The following CNTN3 variants were observed in gnomAD, a reference collection of about 807,000 sequenced individuals.
The protein encoded by CNTN3 is contactin-3.
In CNTN3, 60 loss-of-function variants were observed where a neutral mutation model predicts 119.1. That is an observed-to-expected ratio of 0.50 (90% CI 0.41 to 0.62). CNTN3 has a LOEUF of 0.62. Among genes scored for constraint, CNTN3 ranks in the 20% least tolerant of loss-of-function variants. The pLI is 0.00. For synonymous variants in CNTN3, 450 were observed against 438.7 expected (o/e 1.03, Z -0.32); for missense variants, 1,101 against 1,242.4 (o/e 0.89, Z 1.71).
At chr3:74,466,850 A>G (rs1242257279) in intron 4 of CNTN3, among the ~76,000 whole-genome samples, 1 of 152,166 alleles carries the variant, frequency 6.6e-6, no homozygotes, top group Admixed American at 6.6e-5. Flanking sequence ...GTCATTATGT[A>G]TTAGTATTAC....
chr3:74,324,133 A>G (rs1703071536), intron 13 of CNTN3, among the ~76,000 whole-genome samples: 1 of 152,118 alleles, frequency 6.6e-6, no homozygotes, highest in Non-Finnish European at 1.5e-5. Flanking sequence ...TTTCAATATG[A>G]ATTCCAATAG....
chr3:74,513,090 C>A (rs917961599), intron 2 of CNTN3, among the ~76,000 whole-genome samples: 1 of 151,966 alleles, frequency 6.6e-6, no homozygotes, highest in African/African-American at 2.4e-5. Context: ...CGTAAAAACA[C>A]ACAAATGTTG....
intron 13 of CNTN3, among the ~76,000 whole-genome samples, chr3:74,334,376 C>T (rs1703338798): frequency 6.6e-6 from 1 of 152,166 alleles, no homozygotes; most frequent in African/African-American, 2.4e-5. Flanking sequence ...GGAGGAGACA[C>T]TTAGTAAGTG....
intron 1 of CNTN3, among the ~76,000 whole-genome samples, chr3:74,596,462 CA>C (rs1194554376): frequency 6.6e-6 from 1 of 152,126 alleles, no homozygotes; most frequent in Non-Finnish European, 1.5e-5. Flanking sequence ...GTAACCAAAA[CA>C]GCATGGTACT....
At position 74,453,149 on chromosome 3, in the gene CNTN3, A is replaced by G. The variant is rs546309623; in HGVS notation, c.359-28209T>C. On this transcript the variant is annotated intron_variant, in intron 4 of 22. Coordinates refer to ENST00000263665, the MANE Select transcript of CNTN3 (RefSeq NM_020872.3). Reference sequence around the variant, plus strand: ...CGGCTGTGAATCCATCTGGTCCTGGACTCTTTTTGGTTGGTAAGCTGTTGA... The same window carrying G: ...CGGCTGTGAATCCATCTGGTCCTGGGCTCTTTTTGGTTGGTAAGCTGTTGA... 2.0e-5 allele frequency among the ~76,000 whole-genome samples: 3 copies of G among 151,136 alleles called. No individual in the cohort carries two copies. The South Asian group carries it at 6.3e-4, about 32-fold the overall frequency.
chr3:74,271,727 A>T (rs961786084), intron 20 of CNTN3, among the ~76,000 whole-genome samples: 1 of 152,222 alleles, frequency 6.6e-6, no homozygotes, highest in Non-Finnish European at 1.5e-5. Flanking sequence ...TAAGATAATT[A>T]TTAACATTTG....
chr3:74,407,264 A>ATTTTTTTT lies in CNTN3; in HGVS notation c.454+17573_454+17580dup, dbSNP rs753215277. On this transcript the variant is annotated intron_variant, in intron 5 of 22. Coordinates refer to ENST00000263665, the MANE Select transcript of CNTN3 (RefSeq NM_020872.3). ...AAAGTATAGCCAGGCCAAATATTCT[A>ATTTTTTTT]TTTTTTTTTTTTTTTTTTTTTGAGA... Among the ~76,000 whole-genome samples, 169 of 105,488 alleles carry ATTTTTTTT rather than the reference A, an allele frequency of 1.6e-3. 2 individuals are homozygous for ATTTTTTTT. The highest frequency in any genetic ancestry group is 2.3e-3 in the Non-Finnish European group (131 of 55,882). The allele number at this position is 105,488 out of a possible 152,430, so 69.2% of individuals were successfully genotyped here.
intron 13 of CNTN3, among the ~76,000 whole-genome samples, chr3:74,306,674 G>C (rs1166682776): frequency 6.6e-6 from 1 of 152,118 alleles, no homozygotes; most frequent in African/African-American, 2.4e-5. Flanking sequence ...CTCAGGAAAG[G>C]AGTTTTTGGA....
chr3:74,554,152 C>G (rs1575825904), intron 1 of CNTN3, among the ~76,000 whole-genome samples: 1 of 152,282 alleles, frequency 6.6e-6, no homozygotes, highest in South Asian at 2.1e-4. Context: ...CCAGTTTTCC[C>G]AATGCCATTT....
chr3:74,432,002 T>C (rs2106911226), intron 4 of CNTN3, among the ~76,000 whole-genome samples: 1 of 151,962 alleles, frequency 6.6e-6, no homozygotes, highest in East Asian at 1.9e-4. Flanking sequence ...TGATAATTTG[T>C]ACCAGGAACA....
intron 4 of CNTN3, among the ~76,000 whole-genome samples, chr3:74,452,852 C>T (rs1451081781): frequency 6.6e-6 from 1 of 151,966 alleles, no homozygotes; most frequent in African/African-American, 2.4e-5. Flanking sequence ...AGCCTTGCAT[C>T]CCAGGGATGA....
At chr3:74,596,831 T>C (rs1176447379) in intron 1 of CNTN3, among the ~76,000 whole-genome samples, 2 of 152,048 alleles carry the variant, frequency 1.3e-5, no homozygotes, top group Admixed American at 6.6e-5. Context: ...AATCTGGAAA[T>C]GGTATAATTC....
chr3:74,498,205 T>C (rs892103837), intron 3 of CNTN3, among the ~76,000 whole-genome samples: 1 of 151,800 alleles, frequency 6.6e-6, no homozygotes, highest in African/African-American at 2.4e-5. Context: ...TAATCTTTCA[T>C]TTCAGGGAGA....
intron 4 of CNTN3, among the ~76,000 whole-genome samples, chr3:74,477,179 T>G (rs893676121): frequency 1.3e-5 from 2 of 152,154 alleles, no homozygotes; most frequent in Non-Finnish European, 2.9e-5. Context: ...ACACACCTAC[T>G]GAGATAAATT....
intron 1 of CNTN3, among the ~76,000 whole-genome samples, chr3:74,583,138 C>T (rs558521456): frequency 6.6e-6 from 1 of 152,004 alleles, no homozygotes; most frequent in Non-Finnish European, 1.5e-5. Flanking sequence ...TTGTTTGGTA[C>T]CTGGACTAGA....
chr3:74,503,689 C>T (rs1172678528), intron 2 of CNTN3, among the ~76,000 whole-genome samples: 1 of 152,048 alleles, frequency 6.6e-6, no homozygotes, highest in African/African-American at 2.4e-5. Context: ...TAAAAAGCAC[C>T]CTGTCTGAAA....
chr3:74,469,003 A>C (rs1702513321), intron 4 of CNTN3, among the ~76,000 whole-genome samples: 1 of 152,194 alleles, frequency 6.6e-6, no homozygotes. Flanking sequence ...GGAAAATCTC[A>C]ATTAAAAAAA....
chr3:74,374,891 T>A (rs537124181), intron 5 of CNTN3, among the ~76,000 whole-genome samples: 11 of 152,274 alleles, frequency 7.2e-5, no homozygotes, highest in Admixed American at 2.0e-4. Context: ...ATCCCTTGAA[T>A]TACACTGGAC....
chr3:74,546,945 A>G (rs990523856), intron 1 of CNTN3, among the ~76,000 whole-genome samples: 5 of 141,068 alleles, frequency 3.5e-5, no homozygotes, highest in African/African-American at 1.2e-4. Flanking sequence ...ATTTCTCCTT[A>G]TTTTGTTGAT....
Sources: allele counts gnomAD v4.1 joint callset (sites outside exome capture counted in the v4.1 genomes callset), GRCh38; gene constraint gnomAD v4.1.1; transcripts MANE v1.5; gene names NCBI Gene and HGNC (gene_info 2026-07-23, HGNC 2026-07-21).